The following SEC24B variants were observed in gnomAD, a reference collection of about 807,000 sequenced individuals.
SEC24B encodes the protein SEC24 homolog B, COPII component.
In SEC24B, 45 loss-of-function variants were observed where a neutral mutation model predicts 142.8. The observed-to-expected ratio is 0.32, with a 90% confidence interval of 0.25 to 0.40. SEC24B has a LOEUF of 0.40. SEC24B is among the 10% of genes least tolerant of loss of function. The pLI, the probability that SEC24B is intolerant of heterozygous loss-of-function variation, is 1.00. For synonymous variants in SEC24B, 574 were observed against 568.2 expected, an observed-to-expected ratio of 1.01 and a Z score of -0.15; for missense variants, 1,409 against 1,526.8, an observed-to-expected ratio of 0.92 and a Z score of 1.29.
At chr4:109,478,934 T>G (rs1733450056) in intron 3 of SEC24B, among the ~76,000 whole-genome samples, 1 of 152,196 alleles carries the variant, frequency 6.6e-6, no homozygotes, top group Non-Finnish European at 1.5e-5. Flanking sequence ...ACACCTAGTT[T>G]CCAGTTTAGG....
At chr4:109,499,706 C>A (rs1735910097) in intron 6 of SEC24B, among the ~76,000 whole-genome samples, 1 of 152,158 alleles carries the variant, frequency 6.6e-6, no homozygotes. Flanking sequence ...TGGTGATGCT[C>A]TGCATCAAAC....
At chr4:109,532,796 A>G in intron 21 of SEC24B, 53 bp downstream of exon 21, 1 of 879,600 alleles carries the variant, frequency 1.1e-6, no homozygotes, top group Non-Finnish European at 1.9e-6. Flanking sequence ...ACCAAAAACA[A>G]AGAAACACTT....
At position 109,485,207 on chromosome 4, in the gene SEC24B, T is replaced by C. The variant is rs1470605619; in HGVS notation, c.1165+3426T>C. Reference sequence around the variant, plus strand: ...CGTAAACACTCAGAAAGATTAGCTGTCATTACCAGCATTGAGATTGTGTTA... The same window carrying C: ...CGTAAACACTCAGAAAGATTAGCTGCCATTACCAGCATTGAGATTGTGTTA... On this transcript the variant is annotated intron_variant, in intron 4 of 23. Coordinates refer to ENST00000265175, the MANE Select transcript of SEC24B (RefSeq NM_006323.5). 2.0e-5 allele frequency among the ~76,000 whole-genome samples: 3 copies of C among 152,264 alleles called. No homozygotes were observed. In the East Asian group the frequency reaches 5.8e-4, roughly 29 times the overall value.
chr4:109,443,591 A>G (rs1336693783), intron 1 of SEC24B, among the ~76,000 whole-genome samples: 3 of 152,104 alleles, frequency 2.0e-5, no homozygotes, highest in Non-Finnish European at 2.9e-5. Context: ...GCTCCTCTTT[A>G]CATAACATTT....
chr4:109,495,170 A>T (rs192438799), intron 6 of SEC24B, among the ~76,000 whole-genome samples: 3 of 152,166 alleles, frequency 2.0e-5, no homozygotes, highest in Non-Finnish European at 2.9e-5. Flanking sequence ...TAATCAGAAA[A>T]TTTAAGTAAA....
At chr4:109,523,447 G>A (rs1299544682) in intron 14 of SEC24B, among the ~76,000 whole-genome samples, 23 of 151,714 alleles carry the variant, frequency 1.5e-4, no homozygotes, top group Admixed American at 1.5e-3. Context: ...CTCCAGCCTG[G>A]GCAACAGAGC....
chr4:109,528,322 A>T (rs916846597), intron 18 of SEC24B, among the ~76,000 whole-genome samples: 1 of 150,584 alleles, frequency 6.6e-6, no homozygotes, highest in Non-Finnish European at 1.5e-5. Flanking sequence ...ACTACTTGGG[A>T]GGTTGAGGCA....
rs1389449312 is a variant in SEC24B, at chr4:109,433,962, C to T, written c.93C>T (p.Pro31=). The T allele has an allele frequency of 3.2e-6, 4 of 1,233,474 alleles. No individual in the cohort carries two copies. The South Asian group carries it at 9.5e-5, about 29-fold the overall frequency. The allele number at this position is 1,233,474 out of a possible 1,614,324, so 76.4% of individuals were successfully genotyped here. A position where few individuals can be genotyped will look rare whatever the true frequency, so the allele number is the denominator to read the frequency against. The part of the protein sequence containing the change: ...GGAAVSGAAA[P]AGPGAGPAPH... ...CGGCCGTCTCAGGAGCCGCAGCGCC[C>T]GCGGGCCCGGGTGCGGGCCCGGCGC... Residue 31 remains proline (P), a synonymous_variant, in exon 1 of 24, where the codon CCC becomes CCT. Coordinates refer to ENST00000265175, the MANE Select transcript of SEC24B (RefSeq NM_006323.5).
At chr4:109,497,555 CT>C (rs11413496) in intron 6 of SEC24B, among the ~76,000 whole-genome samples, 14,272 of 141,278 alleles carry the variant, frequency 0.1, 712 homozygotes, top group Middle Eastern at 0.2. Context: ...TCCCACCTTT[CT>C]TTTTTTTTTT....
chr4:109,523,366 T>A (rs1007318319), intron 14 of SEC24B, among the ~76,000 whole-genome samples: 2 of 151,894 alleles, frequency 1.3e-5, no homozygotes, highest in Non-Finnish European at 2.9e-5. Context: ...GCTACTCAGA[T>A]GGCTGAGGCA....
chr4:109,538,334 A>T (rs934570427), intron 22 of SEC24B, among the ~76,000 whole-genome samples, 159 bp from the exon 23 acceptor site: 2 of 152,202 alleles, frequency 1.3e-5, no homozygotes, highest in African/African-American at 4.8e-5. Context: ...ATATAAACAG[A>T]TTTTTCAACA....
chr4:109,443,642 G>A (rs1317899352), intron 1 of SEC24B, among the ~76,000 whole-genome samples: 2 of 152,138 alleles, frequency 1.3e-5, no homozygotes, highest in African/African-American at 4.8e-5. Flanking sequence ...AATGTTCTCT[G>A]CACTCCAGGA....
chr4:109,456,989 C>T (rs960496381), intron 1 of SEC24B, among the ~76,000 whole-genome samples: 2 of 152,134 alleles, frequency 1.3e-5, no homozygotes, highest in Non-Finnish European at 2.9e-5. Flanking sequence ...GGTGCCATTG[C>T]TTCAGTTTGT....
At position 109,463,057 on chromosome 4, in the gene SEC24B, T is replaced by G. The variant is rs1240880732; in HGVS notation, c.290T>G (p.Val97Gly). The G allele has an allele frequency of 3.1e-6, 5 of 1,614,116 alleles. No homozygotes were observed. The highest frequency in any genetic ancestry group is 4.2e-6 in the Non-Finnish European group (5 of 1,180,006). The change falls in exon 2 of 24, where the codon GTA becomes GGA. Residue 97 changes from valine (V) to glycine (G), a missense_variant. Transcript: ENST00000265175. ...GATTACTACTCTGCTCTCTATACAG[T>G]ACCAACACAAAATGTGACTCCTAAC... Reference protein sequence around the residue: ...CGDYYSALYTVPTQNVTPNTV... With the variant: ...CGDYYSALYTGPTQNVTPNTV...
intron 17 of SEC24B, 53 bp from the exon 18 acceptor site, chr4:109,527,269 C>G: frequency 1.3e-5 from 15 of 1,117,230 alleles, no homozygotes; most frequent in Non-Finnish European, 2.0e-5. Context: ...GACATGTTTG[C>G]TTTGCTTTAT....
chr4:109,437,150 G>A lies in SEC24B; in HGVS notation c.133+3148G>A, dbSNP rs58022235. ...TGGGATCCGAGTCTAACTTCAGGTA[G>A]GTAGTGTCAGAATTGAATTGAGTTG... On this transcript the variant is annotated intron_variant, in intron 1 of 23. Coordinates refer to ENST00000265175, the MANE Select transcript of SEC24B (RefSeq NM_006323.5). 5.5e-3 allele frequency among the ~76,000 whole-genome samples: 834 copies of A among 152,276 alleles called. 6 individuals carry two copies. The highest frequency in any genetic ancestry group is 0.02 in the African/African-American group (812 of 41,552).
At chr4:109,468,552 G>C (rs1268828859) in intron 2 of SEC24B, among the ~76,000 whole-genome samples, 1 of 152,196 alleles carries the variant, frequency 6.6e-6, no homozygotes, top group Non-Finnish European at 1.5e-5. Flanking sequence ...TTATAAGCAA[G>C]GTGTTGGCAC....
intron 6 of SEC24B, among the ~76,000 whole-genome samples, chr4:109,503,050 ATTTC>A (rs1193369661): frequency 4.1e-5 from 6 of 147,280 alleles, no homozygotes; most frequent in African/African-American, 1.5e-4. Context: ...TTATTTTGTA[ATTTC>A]TTTCTTTCTT....
chr4:109,533,402 C>T (rs1725143347), intron 21 of SEC24B, among the ~76,000 whole-genome samples, 191 bp from the exon 22 acceptor site: 1 of 152,040 alleles, frequency 6.6e-6, no homozygotes, highest in Non-Finnish European at 1.5e-5. Flanking sequence ...TATGGTAAGC[C>T]TTAACATTTA....
Sources: gnomAD v4.1 joint callset for allele counts (sites outside exome capture counted in the v4.1 genomes callset) on GRCh38, gnomAD v4.1.1 for gene constraint, MANE v1.5 for transcripts, NCBI Gene and HGNC (gene_info 2026-07-23, HGNC 2026-07-21) for gene names.